CUL4A: variants seen among roughly 807,000 people sequenced by gnomAD.
CUL4A encodes the protein cullin-4A.
A neutral mutation model predicts 95.5 loss-of-function variants in CUL4A; 16 were observed. The ratio of observed to expected loss-of-function variants is 0.17; its 90% confidence interval spans 0.11 to 0.25. The LOEUF is 0.25. CUL4A is among the 10% of genes least tolerant of loss of function. The pLI is 1.00. For missense variants in CUL4A, 610 were observed against 937.0 expected (o/e 0.65, Z 4.56); for synonymous variants, 380 against 353.1 (o/e 1.08, Z -0.85).
At position 113,233,202 on chromosome 13, in the gene CUL4A, A is replaced by G. The variant is rs773573327; in HGVS notation, c.538A>G (p.Thr180Ala). 4.3e-6 allele frequency: 7 copies of G among 1,614,098 alleles called. No homozygotes were observed. Among genetic ancestry groups the G allele is most frequent in the Non-Finnish European group, 5.1e-6 (6 of 1,179,956 alleles). The change falls in exon 6 of 20, where the codon ACC becomes GCC. Residue 180 changes from threonine to alanine, a missense_variant. Around this residue, in one of 10 missense-constraint regions of CUL4A, gnomAD observed 97 missense variants for 100.3 expected, o/e 0.97. Transcript: ENST00000375440. ...GGATATGGGATTAGAACTGTTTAGAACCCATATTATTAGTGATAAAATGGT... is the reference window on the plus strand; with the variant it reads ...GGATATGGGATTAGAACTGTTTAGAGCCCATATTATTAGTGATAAAATGGT... ...IWDMGLELFR[T>A]HIISDKMVQS...
intron 9 of CUL4A, among the ~76,000 whole-genome samples, chr13:113,238,022 G>A (rs1028145146): frequency 1.3e-5 from 2 of 152,172 alleles, no homozygotes; most frequent in African/African-American, 2.4e-5. Flanking sequence ...TGAGAGTCAC[G>A]GGTCCAATCT....
At chr13:113,243,286 G>A (rs1207182119) in intron 11 of CUL4A, 126 bp downstream of exon 11, 2 of 830,560 alleles carry the variant, frequency 2.4e-6, no homozygotes, top group East Asian at 5.4e-5. Context: ...CAAGGGGTGT[G>A]TGGAAAGCGT....
chr13:113,228,270 G>GA (rs2041179772), intron 4 of CUL4A, among the ~76,000 whole-genome samples: 1 of 152,228 alleles, frequency 6.6e-6, no homozygotes, highest in Non-Finnish European at 1.5e-5. Context: ...CCGCAGTGGT[G>GA]ACAGGGTTCT....
chr13:113,213,290 A>G (rs1170982987), intron 2 of CUL4A, among the ~76,000 whole-genome samples: 2 of 152,156 alleles, frequency 1.3e-5, no homozygotes, highest in Non-Finnish European at 2.9e-5. Context: ...CAGGGCCCCC[A>G]CACCACAACC....
At chr13:113,246,093 C>T (rs781579469) in intron 15 of CUL4A, 30 bp downstream of exon 15, 1 of 1,528,522 alleles carries the variant, frequency 6.5e-7, no homozygotes, top group Non-Finnish European at 9.0e-7. Flanking sequence ...GCTGTCCGCT[C>T]CCGCTGTCAT....
At position 113,244,411 on chromosome 13, in the gene CUL4A, A is replaced by G. The variant is rs749004138; in HGVS notation, c.1230A>G (p.Ala410=). Residue 410 remains alanine, a splice_region_variant and synonymous_variant, in exon 12 of 20, where the codon GCA becomes GCG. Transcript: ENST00000375440. ...TTTACTATATGTTTATGCTCACAGC[A>G]AAGCATGTGGATTCAAAGTTAAGAG... The part of the protein sequence containing the change: ...KRPNKPAELI[A]KHVDSKLRAG... 8 of 1,610,950 alleles carry G rather than the reference A, an allele frequency of 5.0e-6. No homozygotes were observed. Among genetic ancestry groups the G allele is most frequent in the African/African-American group, 2.7e-5 (2 of 74,882 alleles).
intron 14 of CUL4A, 104 bp downstream of exon 14, chr13:113,245,341 T>C (rs2041828741): frequency 9.8e-7 from 1 of 1,021,520 alleles, no homozygotes; most frequent in African/African-American, 1.6e-5. Flanking sequence ...GCAAGAGACG[T>C]TCTTGAGGCC....
intron 9 of CUL4A, 116 bp downstream of exon 9, chr13:113,237,006 G>C: frequency 1.5e-6 from 1 of 674,946 alleles, no homozygotes; most frequent in East Asian, 3.0e-5. Context: ...TCATAAGACA[G>C]TCATTAAAAA....
chr13:113,230,389 A>G (rs1660444869), intron 5 of CUL4A, among the ~76,000 whole-genome samples: 1 of 152,130 alleles, frequency 6.6e-6, no homozygotes, highest in Non-Finnish European at 1.5e-5. Context: ...TCCTTATTTT[A>G]TACAACATCT....
chr13:113,253,949 T>C (rs2042058468), intron 16 of CUL4A, among the ~76,000 whole-genome samples: 1 of 152,246 alleles, frequency 6.6e-6, no homozygotes, highest in Non-Finnish European at 1.5e-5. Flanking sequence ...ACTTTATTAT[T>C]GTAGAGAGTC....
intron 15 of CUL4A, among the ~76,000 whole-genome samples, chr13:113,251,961 G>A (rs373653504): frequency 1.2e-4 from 18 of 152,272 alleles, no homozygotes; most frequent in African/African-American, 4.1e-4. Flanking sequence ...CTCCTGAGGC[G>A]AAACTGGTGA....
intron 9 of CUL4A, 86 bp from the exon 10 acceptor site, chr13:113,239,327 TTTCTAAGCGGTGTATTGACG>T (rs1315752640): frequency 1.0e-6 from 1 of 975,070 alleles, no homozygotes; most frequent in Non-Finnish European, 1.6e-6. Flanking sequence ...ACCCGCCCAA[TTTCTAAGCGGTGTATTGACG>T]TTCTTCTGGT....
At chr13:113,249,926 G>C (rs563793470) in intron 15 of CUL4A, among the ~76,000 whole-genome samples, 36 of 152,236 alleles carry the variant, frequency 2.4e-4, no homozygotes, top group Admixed American at 7.8e-4. Context: ...GCTTTGCCTA[G>C]TTTTTAACCG....
chr13:113,222,130 C>T, intron 3 of CUL4A, among the ~76,000 whole-genome samples: 1 of 152,204 alleles, frequency 6.6e-6, no homozygotes, highest in Non-Finnish European at 1.5e-5. Flanking sequence ...GAGTTGACCA[C>T]TGACAGGATC....
chr13:113,229,319 A>G (rs971761849), intron 4 of CUL4A, 127 bp from the exon 5 acceptor site: 3 of 705,442 alleles, frequency 4.3e-6, no homozygotes, highest in East Asian at 5.4e-5. Context: ...AAAATAAAAC[A>G]TGAGGGCTGT....
At chr13:113,213,850 A>G (rs1031375556) in intron 2 of CUL4A, among the ~76,000 whole-genome samples, 1 of 152,226 alleles carries the variant, frequency 6.6e-6, no homozygotes, top group African/African-American at 2.4e-5. Context: ...GAATCAGTTG[A>G]TTCACTTACT....
At chr13:113,244,849 A>C in intron 12 of CUL4A, 100 bp from the exon 13 acceptor site, 1 of 808,724 alleles carries the variant, frequency 1.2e-6, no homozygotes, top group Non-Finnish European at 2.0e-6. Flanking sequence ...CAAAAAAAAA[A>C]AAAAACACTT....
intron 9 of CUL4A, among the ~76,000 whole-genome samples, chr13:113,239,193 A>T (rs1035745516): frequency 6.6e-6 from 1 of 152,208 alleles, no homozygotes; most frequent in African/African-American, 2.4e-5. Context: ...AGAGGGCTTC[A>T]ATGACATAAA....
chr13:113,210,887 C>G (rs2040406163), intron 2 of CUL4A, among the ~76,000 whole-genome samples: 1 of 152,162 alleles, frequency 6.6e-6, no homozygotes, highest in African/African-American at 2.4e-5. Flanking sequence ...TCCTACCACC[C>G]AAAGAAAACT....
Sources: gnomAD v4.1 joint callset for allele counts (sites outside exome capture counted in the v4.1 genomes callset) on GRCh38, gnomAD v4.1.1 for gene constraint, gnomAD v4.1.1 regional missense constraint, MANE v1.5 for transcripts, NCBI Gene and HGNC (gene_info 2026-07-23, HGNC 2026-07-21) for gene names.